Variants in ASMT observed in about 807,000 individuals in gnomAD.
ASMT encodes acetylserotonin N-methyltransferase.
ASMT carries 53 observed loss-of-function variants against 41.3 expected under a neutral mutation model. The ratio of observed to expected loss-of-function variants is 1.28; its 90% CI spans 1.03 to 1.61. The LOEUF (loss-of-function observed/expected upper bound fraction) is 1.61. ASMT is among the 40% of genes most tolerant of loss of function. The pLI is 0.00. For synonymous variants in ASMT, 231 were observed against 184.8 expected (o/e 1.25, Z -2.03); for missense variants, 531 against 441.3 (o/e 1.20, Z -1.82).
In ASMT at chrX:1,636,349, C is replaced by T. The variant is rs750020513; in HGVS notation, c.788-89C>T. 4 of 1,585,990 alleles carry T rather than the reference C, an allele frequency of 2.5e-6. No individual in the cohort carries two copies. In the East Asian group the frequency reaches 6.7e-5, roughly 27 times the overall value. ...TGGAAGACCTGGGAAAGGCGTGACC[C>T]ATCCAGGTGACCTTTTGTGCCCAGA... is the stretch of plus-strand genomic sequence containing the variant. On this transcript the variant is annotated intron_variant, in intron 7 of 8. Coordinates refer to ENST00000381241, the MANE Select transcript of ASMT (RefSeq NM_001171038.2).
chrX:1,618,639 G>A (rs1416629845), intron 1 of ASMT, among the ~76,000 whole-genome samples: 1 of 151,878 alleles, frequency 6.6e-6, no homozygotes, highest in Non-Finnish European at 1.5e-5. Context: ...GTTTCATCAT[G>A]TTGTCCAGGC....
chrX:1,629,618 G>A (rs1442746210), intron 4 of ASMT, among the ~76,000 whole-genome samples: 23 of 152,168 alleles, frequency 1.5e-4, no homozygotes, highest in African/African-American at 5.6e-4. Flanking sequence ...ATCAACTCCA[G>A]GTTTCCCGGA....
At chrX:1,619,143 C>G (rs1350607847) in intron 1 of ASMT, among the ~76,000 whole-genome samples, 1 of 152,110 alleles carries the variant, frequency 6.6e-6, no homozygotes, top group Non-Finnish European at 1.5e-5. Flanking sequence ...CGCCTGTAAT[C>G]CCAGCACTTT....
Position 1,642,942 on chromosome X carries a change from T to C in ASMT, c.1050T>C (p.Ser350=), listed in dbSNP as rs767100333. The change falls in exon 9 of 9, where the codon TCT becomes TCC. Residue 350 remains serine, a synonymous_variant. Coordinates refer to ENST00000381241, the MANE Select transcript of ASMT (RefSeq NM_001171038.2). ...RTPTHYHMLL[S]SAGFRDFQFK... ...CCACCCACTACCACATGCTCCTCTC[T>C]TCTGCTGGCTTCAGAGACTTCCAGT... 6.2e-7 allele frequency: 1 copy of C among 1,613,994 alleles called. No homozygotes were observed. The highest frequency in any genetic ancestry group is 1.3e-5 in the African/African-American group (1 of 75,068).
intron 5 of ASMT, among the ~76,000 whole-genome samples, chrX:1,630,240 T>A (rs1383205806): frequency 6.6e-6 from 1 of 150,986 alleles, no homozygotes; most frequent in Non-Finnish European, 1.5e-5. Flanking sequence ...TTCAAGCGAT[T>A]CTCCTGCCTC....
chrX:1,623,188 C>T lies in ASMT; in HGVS notation c.119C>T (p.Ala40Val). 1.9e-6 allele frequency: 3 copies of T among 1,613,292 alleles called. No individual in the cohort carries two copies. Among genetic ancestry groups the T allele is most frequent in the Non-Finnish European group, 8.5e-7 (1 of 1,179,856 alleles). ...GGCGTGTTTGACCTTCTCGCCGAGGCCCCAGGGCCCCTGGACGTGGCGGCA... is the reference window on the plus strand; with the variant it reads ...GGCGTGTTTGACCTTCTCGCCGAGGTCCCAGGGCCCCTGGACGTGGCGGCA... ...ELGVFDLLAE[A>V]PGPLDVAAVA... The change falls in exon 2 of 9, where the codon GCC (alanine) becomes GTC (valine). Residue 40 changes from alanine to valine, a missense_variant. Physicochemically the swap from Ala to Val is moderately conservative, Grantham distance 64 (BLOSUM62 0). Coordinates refer to ENST00000381241, the MANE Select transcript of ASMT (RefSeq NM_001171038.2).
chrX:1,625,910 G>T (rs781720625), intron 3 of ASMT, among the ~76,000 whole-genome samples: 2 of 136,928 alleles, frequency 1.5e-5, no homozygotes, highest in South Asian at 2.4e-4. Context: ...AGCCAAGATC[G>T]CACCACTGCA....
At position 1,642,790 on chromosome X, in the gene ASMT, C is replaced by T. The variant is rs751090622; in HGVS notation, c.911-13C>T. The stretch of plus-strand genomic sequence containing the variant: ...GTTTGTGTGTGATGTGGACTGTGCC[C>T]CTCCCTTTCTAGGTGGTGGCATTCT... On this transcript the variant is annotated splice_polypyrimidine_tract_variant and intron_variant, in intron 8 of 8. Coordinates refer to ENST00000381241, the MANE Select transcript of ASMT (RefSeq NM_001171038.2). The T allele has an allele frequency of 4.3e-6, 7 of 1,610,636 alleles. No homozygotes were observed. Among genetic ancestry groups the T allele is most frequent in the Admixed American group, 1.7e-5 (1 of 59,958 alleles).
At chrX:1,617,210 T>A (rs1361886679) in intron 1 of ASMT, among the ~76,000 whole-genome samples, 1 of 151,528 alleles carries the variant, frequency 6.6e-6, no homozygotes, top group Admixed American at 6.6e-5. Context: ...GGCTCATGCC[T>A]GTCATCCCAG....
chrX:1,630,605 C>G (rs1198272039), intron 5 of ASMT, among the ~76,000 whole-genome samples: 6 of 151,608 alleles, frequency 4.0e-5, no homozygotes, highest in Non-Finnish European at 7.4e-5. Flanking sequence ...CACCCAGGCT[C>G]GAGTGCAATG....
In ASMT at chrX:1,633,159, G is replaced by A; in HGVS notation, c.656G>A (p.Gly219Glu). 1 of 1,613,880 alleles carries A rather than the reference G, an allele frequency of 6.2e-7. No homozygotes were observed. The highest frequency in any genetic ancestry group is 1.1e-5 in the South Asian group (1 of 91,066). Residue 219 changes from glycine to glutamate, a missense_variant, in exon 7 of 9, where the codon GGA (glycine) becomes GAA (glutamate). Transcript: ENST00000381241. The part of the protein sequence containing the change: ...HRVFSLIGGA[G>E]ALAKECMSLY... ...CTGTGTCCCCTTCCAGGTGGGGCTG[G>A]AGCTCTGGCTAAGGAATGCATGTCT...
At position 1,623,327 on chromosome X, in the gene ASMT, C is replaced by T. The variant is rs145850548; in HGVS notation, c.244+14C>T. 2.4e-5 allele frequency: 39 copies of T among 1,613,824 alleles called. No individual in the cohort carries two copies. Among genetic ancestry groups the T allele is most frequent in the South Asian group, 2.1e-4 (19 of 91,064 alleles). On this transcript the variant is annotated intron_variant, in intron 2 of 8. Transcript: ENST00000381241. ...GGGGAGGAAAAGGTGAGGACACGGG[C>T]GTTTTGAAGGAGGCATTTTACATAG... is the stretch of plus-strand genomic sequence containing the variant.
At position 1,629,833 on chromosome X, in the gene ASMT, G is replaced by A. The variant is rs765194317; in HGVS notation, c.456G>A (p.Glu152=). Residue 152 remains glutamate, a synonymous_variant, in exon 5 of 9, where the codon GAG becomes GAA. Transcript: ENST00000381241. ...TTTTGCATGCCAGGTCCGAGGGCGA[G>A]CGGCTACAGTTCATGCAAGCTCTGC... ...LFTAIYRSEG[E]RLQFMQALQE... is the part of the protein sequence containing the mutation. 21 of 1,613,922 alleles carry A rather than the reference G, an allele frequency of 1.3e-5. No homozygotes were observed. Among genetic ancestry groups the A allele is most frequent in the Non-Finnish European group, 1.7e-5 (20 of 1,179,854 alleles).
intron 4 of ASMT, 54 bp from the exon 5 acceptor site, chrX:1,629,767 C>A: frequency 6.5e-7 from 1 of 1,548,160 alleles, no homozygotes; most frequent in Non-Finnish European, 8.9e-7. Context: ...CACCCTTGCT[C>A]TGGGCACGTC....
intron 1 of ASMT, among the ~76,000 whole-genome samples, chrX:1,622,590 A>G (rs1934374881): frequency 1.3e-5 from 2 of 151,844 alleles, no homozygotes; most frequent in South Asian, 4.2e-4. Flanking sequence ...CAGCCAGGAG[A>G]CATTTTTAAA....
At chrX:1,629,073 T>C (rs1393503799) in intron 4 of ASMT, among the ~76,000 whole-genome samples, 1 of 127,472 alleles carries the variant, frequency 7.8e-6, no homozygotes, top group Non-Finnish European at 1.7e-5. Context: ...TCTTCCTTCT[T>C]TCCTTTCTTT....
intron 2 of ASMT, 126 bp downstream of exon 2, chrX:1,623,439 A>G (rs1934410293): frequency 8.0e-7 from 1 of 1,254,970 alleles, no homozygotes; most frequent in African/African-American, 1.5e-5. Context: ...TACTAAAAAA[A>G]ATACAAAAAA....
At position 1,633,249 on chromosome X, in the gene ASMT, A is replaced by G; in HGVS notation, c.746A>G (p.His249Arg). 1 of 1,613,916 alleles carries G rather than the reference A, an allele frequency of 6.2e-7. No individual in the cohort carries two copies. Among genetic ancestry groups the G allele is most frequent in the Non-Finnish European group, 8.5e-7 (1 of 1,179,854 alleles). ...IPEVVWTAKQHFSFQEEEQID... is the reference protein window; with the variant it reads ...IPEVVWTAKQRFSFQEEEQID... ...GAAGTGGTGTGGACGGCAAAGCAGC[A>G]CTTCTCATTCCAGGAGGAAGAACAG... The change falls in exon 7 of 9, where the codon CAC becomes CGC. Residue 249 changes from histidine (H) to arginine (R), a missense_variant. Transcript: ENST00000381241.
chrX:1,626,573 G>C (rs1934556639), intron 3 of ASMT, among the ~76,000 whole-genome samples: 2 of 152,082 alleles, frequency 1.3e-5, no homozygotes, highest in Admixed American at 1.3e-4. Flanking sequence ...TGTTATGCCA[G>C]AGTCAGGTTG....
Sources: gnomAD v4.1 joint callset for allele counts (sites outside exome capture counted in the v4.1 genomes callset) on GRCh38, gnomAD v4.1.1 for gene constraint, MANE v1.5 for transcripts, NCBI Gene and HGNC (gene_info 2026-07-23, HGNC 2026-07-21) for gene names.